LDB2: variants seen among roughly 807,000 people sequenced by gnomAD.
LDB2 encodes the protein LIM domain binding 2, also known as LIM domain-binding protein 2.
A neutral mutation model predicts 44.3 loss-of-function variants in LDB2; 12 were observed. The observed-to-expected ratio is 0.27, with a 90% CI of 0.17 to 0.44. LDB2 has a LOEUF of 0.44. Ranked by LOEUF, LDB2 falls within the 20% of genes least tolerant of loss-of-function variation. The probability of loss-of-function intolerance (pLI) is 1.00; values close to 1 mark genes in which losing one functional copy is unlikely to be tolerated. For synonymous variants in LDB2, 164 were observed against 174.8 expected, an observed-to-expected ratio of 0.94 and a Z score of 0.49; for missense variants, 344 against 473.5, an observed-to-expected ratio of 0.73 and a Z score of 2.54.
chr4:16,558,190 A>G (rs914016070), intron 5 of LDB2, among the ~76,000 whole-genome samples: 3 of 152,224 alleles, frequency 2.0e-5, no homozygotes, highest in African/African-American at 7.2e-5. Context: ...CTCACCAGCA[A>G]TGGAACAAAG....
At chr4:16,681,291 G>A (rs1274442467) in intron 2 of LDB2, among the ~76,000 whole-genome samples, 1 of 152,180 alleles carries the variant, frequency 6.6e-6, no homozygotes, top group Non-Finnish European at 1.5e-5. Flanking sequence ...GGTGTCCCTG[G>A]CCAACAACCA....
chr4:16,667,751 A>G lies in LDB2; in HGVS notation c.236-71876T>C, dbSNP rs141687658. Among the ~76,000 whole-genome samples, 6 of 152,320 alleles carry G rather than the reference A, an allele frequency of 3.9e-5. No individual in the cohort carries two copies. The East Asian group carries it at 9.7e-4, about 25-fold the overall frequency. Reference sequence around the variant, plus strand: ...CTGGAGAAAAGGATTGCTGGGATCAATTAGCAACTTCTGCCTGAATAGGGT... The same window carrying G: ...CTGGAGAAAAGGATTGCTGGGATCAGTTAGCAACTTCTGCCTGAATAGGGT... On this transcript the variant is annotated intron_variant, in intron 2 of 7. Transcript: ENST00000304523.
chr4:16,678,378 C>A (rs1042424510), intron 2 of LDB2, among the ~76,000 whole-genome samples: 33 of 152,150 alleles, frequency 2.2e-4, no homozygotes, highest in African/African-American at 6.8e-4. Flanking sequence ...ACTGGACATA[C>A]TGATTTTGGA....
chr4:16,755,965 A>G (rs945943175), intron 2 of LDB2, among the ~76,000 whole-genome samples: 1 of 152,192 alleles, frequency 6.6e-6, no homozygotes, highest in African/African-American at 2.4e-5. Flanking sequence ...CCACCTGCCC[A>G]ATCATATCTC....
intron 1 of LDB2, among the ~76,000 whole-genome samples, chr4:16,854,056 G>C (rs2110205455): frequency 6.6e-6 from 1 of 152,142 alleles, no homozygotes; most frequent in South Asian, 2.1e-4. Context: ...TCAGTCTAGA[G>C]ATTAAATGTT....
chr4:16,820,272 CA>C (rs1781695957), intron 1 of LDB2, among the ~76,000 whole-genome samples: 1 of 152,088 alleles, frequency 6.6e-6, no homozygotes, highest in African/African-American at 2.4e-5. Context: ...ATTTTTAAAG[CA>C]CTTTTTATTA....
At position 16,581,413 on chromosome 4, in the gene LDB2, C is replaced by A. The variant is rs2152418318; in HGVS notation, c.615+4509G>T. On this transcript the variant is annotated intron_variant, in intron 5 of 7. Transcript: ENST00000304523. Reference sequence around the variant, plus strand: ...CACAGTGAGAGGATGCTTGTCTTGACCATGCTGTTACTGGAAAAAAAAAAT... The same window carrying A: ...CACAGTGAGAGGATGCTTGTCTTGAACATGCTGTTACTGGAAAAAAAAAAT... 4.1e-6 allele frequency: 4 copies of A among 985,180 alleles called. 1 individual carries two copies. Among genetic ancestry groups the A allele is most frequent in the Middle Eastern group, 1.0e-3 (2 of 1,914 alleles). The allele number at this position is 985,180 out of a possible 1,614,324, so 61.0% of individuals were successfully genotyped here.
intron 5 of LDB2, among the ~76,000 whole-genome samples, chr4:16,537,756 T>TC (rs1732366610): frequency 6.6e-6 from 1 of 152,114 alleles, no homozygotes; most frequent in Non-Finnish European, 1.5e-5. Context: ...ATACCCCTGC[T>TC]CCCCAGCTGG....
intron 5 of LDB2, among the ~76,000 whole-genome samples, chr4:16,569,178 G>C (rs1745544899): frequency 6.6e-6 from 1 of 152,166 alleles, no homozygotes; most frequent in African/African-American, 2.4e-5. Context: ...AGTTGGAAGA[G>C]GAAGGATAAA....
intron 2 of LDB2, among the ~76,000 whole-genome samples, chr4:16,755,528 T>TGTGTGA (rs1561114447): frequency 2.2e-5 from 3 of 135,084 alleles, no homozygotes; most frequent in East Asian, 2.3e-4. Flanking sequence ...TGTGTGTATG[T>TGTGTGA]GAGAGAGAGA....
chr4:16,562,797 CAA>C, intron 5 of LDB2, among the ~76,000 whole-genome samples: 1 of 152,114 alleles, frequency 6.6e-6, no homozygotes, highest in Non-Finnish European at 1.5e-5. Context: ...TTCACAATAG[CAA>C]AGACTTGGAA....
At chr4:16,530,942 A>G (rs1729927949) in intron 5 of LDB2, among the ~76,000 whole-genome samples, 3 of 152,192 alleles carry the variant, frequency 2.0e-5, no homozygotes, top group Admixed American at 1.3e-4. Context: ...CCATTCATAA[A>G]TGATCTCATT....
Position 16,686,151 on chromosome 4 carries a change from AGAGT to A in LDB2, c.235+73003_235+73006del, listed in dbSNP as rs367634807. 4.4e-4 allele frequency among the ~76,000 whole-genome samples: 67 copies of A among 152,328 alleles called. 1 individual carries two copies. In the South Asian group the frequency reaches 0.014, roughly 31 times the overall value. ...CTGGCCAGAGAGCCACTCGAAGCAG[AGAGT>A]AACCATAAATGAGGATTTCTTGACC... On this transcript the variant is annotated intron_variant, in intron 2 of 7. Transcript: ENST00000304523.
intron 1 of LDB2, among the ~76,000 whole-genome samples, chr4:16,896,858 A>G (rs1011798600): frequency 1.3e-5 from 2 of 152,206 alleles, no homozygotes; most frequent in Middle Eastern, 3.2e-3. Flanking sequence ...TTACACACAC[A>G]AAGCAACATA....
chr4:16,869,470 A>G (rs1473613988), intron 1 of LDB2, among the ~76,000 whole-genome samples: 2 of 152,228 alleles, frequency 1.3e-5, no homozygotes, highest in Non-Finnish European at 2.9e-5. Flanking sequence ...CAACTATGTT[A>G]TATGAACACT....
At chr4:16,665,044 T>C (rs1249816205) in intron 2 of LDB2, among the ~76,000 whole-genome samples, 1 of 152,104 alleles carries the variant, frequency 6.6e-6, no homozygotes, top group Non-Finnish European at 1.5e-5. Context: ...ACCCCATCAT[T>C]TGCACCTCAC....
At chr4:16,569,999 G>A (rs1291336051) in intron 5 of LDB2, among the ~76,000 whole-genome samples, 1 of 152,066 alleles carries the variant, frequency 6.6e-6, no homozygotes, top group African/African-American at 2.4e-5. Context: ...AACAGCCTTC[G>A]CAGAAGTGCT....
At chr4:16,634,529 A>G (rs1017747571) in intron 2 of LDB2, among the ~76,000 whole-genome samples, 1 of 152,240 alleles carries the variant, frequency 6.6e-6, no homozygotes, top group African/African-American at 2.4e-5. Flanking sequence ...TGCAGCCAAC[A>G]GACACATGAA....
intron 2 of LDB2, among the ~76,000 whole-genome samples, chr4:16,662,695 T>A (rs1741926526): frequency 6.6e-6 from 1 of 152,028 alleles, no homozygotes. Flanking sequence ...TGTGATCTGA[T>A]GGTTTCATAA....
Sources: gnomAD v4.1 joint callset for allele counts (sites outside exome capture counted in the v4.1 genomes callset) on GRCh38, gnomAD v4.1.1 for gene constraint, MANE v1.5 for transcripts, NCBI Gene and HGNC (gene_info 2026-07-23, HGNC 2026-07-21) for gene names.